The following CLIC6 variants were observed in gnomAD, a reference collection of about 807,000 sequenced individuals.
The protein encoded by CLIC6 is chloride intracellular channel protein 6.
Under a neutral mutation model 49.2 loss-of-function variants are expected in CLIC6, and 39 were observed. The ratio of observed to expected loss-of-function variants is 0.79; its 90% CI spans 0.61 to 1.04. The LOEUF (loss-of-function observed/expected upper bound fraction) is 1.04. Among genes scored for constraint, CLIC6 ranks in the 50% least tolerant of loss-of-function variants. The pLI, the probability that CLIC6 is intolerant of heterozygous loss-of-function variation, is 0.00. For synonymous variants in CLIC6, 446 were observed against 433.4 expected (o/e 1.03, Z -0.36); for missense variants, 988 against 993.1 (o/e 0.99, Z 0.07).
intron 5 of CLIC6, among the ~76,000 whole-genome samples, chr21:34,714,238 G>T (rs1348922229): frequency 2.6e-5 from 4 of 152,186 alleles, no homozygotes; most frequent in African/African-American, 9.6e-5. Flanking sequence ...AGACCAAACA[G>T]CAGTGGGAAT....
intron 1 of CLIC6, among the ~76,000 whole-genome samples, chr21:34,688,039 C>A (rs1382969585): frequency 6.6e-6 from 1 of 152,160 alleles, no homozygotes; most frequent in Admixed American, 6.5e-5. Context: ...CAAAGTCAGT[C>A]TAGAAAGTGT....
At chr21:34,712,114 C>A (rs1415145891) in intron 5 of CLIC6, among the ~76,000 whole-genome samples, 2 of 152,084 alleles carry the variant, frequency 1.3e-5, no homozygotes, top group Non-Finnish European at 1.5e-5. Context: ...AGTGAGATTG[C>A]AGTTCATGGC....
At chr21:34,702,720 T>G (rs1568967814) in intron 1 of CLIC6, among the ~76,000 whole-genome samples, 1 of 152,140 alleles carries the variant, frequency 6.6e-6, no homozygotes, top group East Asian at 1.9e-4. Context: ...GTGAGGCCAC[T>G]GGGCATCCAG....
At chr21:34,707,498 G>A (rs1475516009) in intron 2 of CLIC6, 109 bp downstream of exon 2, 7 of 747,312 alleles carry the variant, frequency 9.4e-6, no homozygotes, top group South Asian at 3.2e-5. Flanking sequence ...GCATGGGCAC[G>A]TCCATCCTCA....
At chr21:34,705,543 C>T (rs2056008607) in intron 1 of CLIC6, among the ~76,000 whole-genome samples, 1 of 152,140 alleles carries the variant, frequency 6.6e-6, no homozygotes, top group Non-Finnish European at 1.5e-5. Context: ...TGGAGAGATT[C>T]TCAGACCCTC....
intron 1 of CLIC6, among the ~76,000 whole-genome samples, chr21:34,685,204 T>G (rs1042341648): frequency 2.0e-5 from 3 of 152,202 alleles, no homozygotes; most frequent in Non-Finnish European, 4.4e-5. Context: ...CCCCAAGCGG[T>G]GACCCTGGTC....
chr21:34,671,933 C>T (rs535347532), intron 1 of CLIC6, among the ~76,000 whole-genome samples: 1 of 152,214 alleles, frequency 6.6e-6, no homozygotes, highest in South Asian at 2.1e-4. Context: ...GGGACATAAC[C>T]TCAGGACACC....
In CLIC6 at chr21:34,669,011, CAGCG is replaced by C. The variant is rs768535460; in HGVS notation, c.-377_-374del. Among the ~76,000 whole-genome samples, 24 of 152,222 alleles carry C rather than the reference CAGCG, an allele frequency of 1.6e-4. No individual in the cohort carries two copies. The highest frequency in any genetic ancestry group is 3.2e-4 in the Non-Finnish European group (22 of 68,034). On this transcript the variant is annotated 5_prime_UTR_variant, in exon 1 of 6. Coordinates refer to ENST00000349499, the MANE Select transcript of CLIC6 (RefSeq NM_053277.3). ...TTCTGGTCAACCCCAGGACAGCGGA[CAGCG>C]GGCCGGGCACTTCCAAAGGCGCAGG...
At chr21:34,699,296 G>A (rs1416512778) in intron 1 of CLIC6, among the ~76,000 whole-genome samples, 1 of 152,150 alleles carries the variant, frequency 6.6e-6, no homozygotes, top group Non-Finnish European at 1.5e-5. Context: ...CTGACACCCA[G>A]GCTGGAGTGC....
intron 1 of CLIC6, among the ~76,000 whole-genome samples, chr21:34,676,226 G>A (rs1183034532): frequency 6.6e-6 from 1 of 152,050 alleles, no homozygotes; most frequent in African/African-American, 2.4e-5. Context: ...GTGTCCTTTC[G>A]GACACCTAGA....
intron 5 of CLIC6, among the ~76,000 whole-genome samples, chr21:34,714,051 T>C (rs2056072394): frequency 6.6e-6 from 1 of 152,218 alleles, no homozygotes; most frequent in African/African-American, 2.4e-5. Flanking sequence ...GAATTTTATA[T>C]CTAGGCAATT....
At chr21:34,679,974 G>A (rs1989744663) in intron 1 of CLIC6, among the ~76,000 whole-genome samples, 1 of 152,220 alleles carries the variant, frequency 6.6e-6, no homozygotes, top group African/African-American at 2.4e-5. Flanking sequence ...TCTGGGGGCT[G>A]GAGGATGGTT....
chr21:34,674,540 A>G (rs1261867016), intron 1 of CLIC6, among the ~76,000 whole-genome samples: 1 of 152,186 alleles, frequency 6.6e-6, no homozygotes, highest in Non-Finnish European at 1.5e-5. Context: ...GAGAATTGTC[A>G]TGTTATTAAT....
rs1989504755 is a variant in CLIC6, at chr21:34,669,955, C to T, written c.567C>T (p.Ser189=). 1 of 1,365,642 alleles carries T rather than the reference C, an allele frequency of 7.3e-7. No homozygotes were observed. The highest frequency in any genetic ancestry group is 3.0e-5 in the East Asian group (1 of 33,100). The allele number at this position is 1,365,642 out of a possible 1,614,324, so 84.6% of individuals were successfully genotyped here. Residue 189 remains serine, a synonymous_variant, in exon 1 of 6, where the codon AGC becomes AGT. Transcript: ENST00000349499. ...SVEAEGRVGD[S]VDAEGPAGDS... ...AGGCGGAGGGCCGGGTGGGGGACAG[C>T]GTAGACGCGGAAGGTCCGGCGGGGG...
intron 1 of CLIC6, among the ~76,000 whole-genome samples, chr21:34,692,492 T>G (rs535870398): frequency 6.6e-6 from 1 of 152,360 alleles, no homozygotes; most frequent in African/African-American, 2.4e-5. Context: ...AAGCCTCTGA[T>G]TTCTGGAGTC....
At chr21:34,697,449 G>A (rs529248140) in intron 1 of CLIC6, among the ~76,000 whole-genome samples, 1 of 151,868 alleles carries the variant, frequency 6.6e-6, no homozygotes, top group Non-Finnish European at 1.5e-5. Flanking sequence ...CTCAGCAGCT[G>A]TTATTTCCCT....
At chr21:34,689,524 A>G (rs904548543) in intron 1 of CLIC6, among the ~76,000 whole-genome samples, 1 of 151,442 alleles carries the variant, frequency 6.6e-6, no homozygotes, top group Non-Finnish European at 1.5e-5. Flanking sequence ...GCTCATTCTC[A>G]TTGCAAGTCC....
At chr21:34,694,649 C>T (rs1990060754) in intron 1 of CLIC6, among the ~76,000 whole-genome samples, 1 of 152,160 alleles carries the variant, frequency 6.6e-6, no homozygotes, top group Admixed American at 6.5e-5. Context: ...CCTGAGGCCT[C>T]CCCAGCCATG....
chr21:34,671,744 T>G (rs1342250227), intron 1 of CLIC6, among the ~76,000 whole-genome samples: 1 of 152,190 alleles, frequency 6.6e-6, no homozygotes, highest in Non-Finnish European at 1.5e-5. Context: ...CCAGTTACCA[T>G]CTAAATCTCT....
Sources: gnomAD v4.1 joint callset for allele counts (sites outside exome capture counted in the v4.1 genomes callset) on GRCh38, gnomAD v4.1.1 for gene constraint, MANE v1.5 for transcripts, NCBI Gene and HGNC (gene_info 2026-07-23, HGNC 2026-07-21) for gene names.